EPB41L3: variants seen among roughly 807,000 people sequenced by gnomAD.
EPB41L3 encodes the protein erythrocyte membrane protein band 4.1 like 3, also known as band 4.1-like protein 3.
EPB41L3 carries 57 observed loss-of-function variants against 127.1 expected under a neutral mutation model. The ratio of observed to expected loss-of-function variants is 0.45; its 90% CI spans 0.36 to 0.56. EPB41L3 has a LOEUF of 0.56. EPB41L3 is among the 20% of genes least tolerant of loss of function. The probability of loss-of-function intolerance (pLI) is 0.00; values close to 1 mark genes in which losing one functional copy is unlikely to be tolerated. For missense variants in EPB41L3, 1,273 were observed against 1,372.2 expected (o/e 0.93, Z 1.14); for synonymous variants, 572 against 549.5 (o/e 1.04, Z -0.57).
chr18:5,625,441 C>T (rs377745164), intron 1 of EPB41L3, among the ~76,000 whole-genome samples: 2 of 152,054 alleles, frequency 1.3e-5, no homozygotes, highest in African/African-American at 2.4e-5. Context: ...AAAATGAAGA[C>T]CAGGTCTCCC....
intron 13 of EPB41L3, among the ~76,000 whole-genome samples, chr18:5,413,894 A>G (rs1390269150): frequency 6.6e-6 from 1 of 152,248 alleles, no homozygotes; most frequent in Admixed American, 6.5e-5. Context: ...TGTAACAATT[A>G]ACTGCTGTGA....
intron 3 of EPB41L3, among the ~76,000 whole-genome samples, chr18:5,556,981 G>A (rs1486109127): frequency 6.8e-6 from 1 of 146,512 alleles, no homozygotes; most frequent in Non-Finnish European, 1.6e-5. Context: ...CAGCTGGGGG[G>A]CCCCGGGGGT....
chr18:5,481,715 G>A (rs2088569266), intron 2 of EPB41L3, among the ~76,000 whole-genome samples: 1 of 152,164 alleles, frequency 6.6e-6, no homozygotes, highest in African/African-American at 2.4e-5. Context: ...GCACCACACT[G>A]GAGAAGGCAC....
At position 5,477,025 on chromosome 18, in the gene EPB41L3, A is replaced by G. The variant is rs145894079; in HGVS notation, c.381+1216T>C. Among the ~76,000 whole-genome samples the G allele has an allele frequency of 1.6e-3, 240 of 152,360 alleles. 1 individual carries two copies. The highest frequency in any genetic ancestry group is 5.5e-3 in the African/African-American group (230 of 41,586). On this transcript the variant is annotated intron_variant, in intron 3 of 22. Transcript: ENST00000341928. ...AAGACTTTATTTTCAAAAACCATATAGACTTTTTTCTATGTTCCTGCAATC... is the reference window on the plus strand; with the variant it reads ...AAGACTTTATTTTCAAAAACCATATGGACTTTTTTCTATGTTCCTGCAATC...
intron 19 of EPB41L3, 138 bp from the exon 20 acceptor site, chr18:5,395,845 T>C (rs2073342091): frequency 4.2e-6 from 3 of 706,062 alleles, no homozygotes; most frequent in Admixed American, 5.1e-5. Flanking sequence ...GTCTGAGCGC[T>C]GCTCCCAAGA....
chr18:5,557,451 T>C (rs1194285776), intron 3 of EPB41L3, among the ~76,000 whole-genome samples: 1 of 152,152 alleles, frequency 6.6e-6, no homozygotes, highest in Non-Finnish European at 1.5e-5. Context: ...TGGCACAATC[T>C]CGGCCCACCC....
At chr18:5,512,214 C>T in intron 1 of EPB41L3, among the ~76,000 whole-genome samples, 1 of 152,160 alleles carries the variant, frequency 6.6e-6, no homozygotes, top group East Asian at 1.9e-4. Context: ...AGAGAAAACA[C>T]ACCCAAGTAA....
At chr18:5,557,293 CAT>C (rs1568569232) in intron 3 of EPB41L3, among the ~76,000 whole-genome samples, 2 of 152,218 alleles carry the variant, frequency 1.3e-5, no homozygotes, top group East Asian at 1.9e-4. Flanking sequence ...TAGATATCGA[CAT>C]GTGGGCTTTT....
At chr18:5,395,751 C>G (rs200212387) in intron 19 of EPB41L3, 44 bp from the exon 20 acceptor site, 1 of 1,495,196 alleles carries the variant, frequency 6.7e-7, no homozygotes, top group Admixed American at 1.7e-5. Flanking sequence ...GTGCTCACAT[C>G]TGCTCTTCAG....
At chr18:5,447,381 T>C (rs959465369) in intron 3 of EPB41L3, among the ~76,000 whole-genome samples, 5 of 151,304 alleles carry the variant, frequency 3.3e-5, no homozygotes, top group African/African-American at 1.2e-4. Context: ...AGCAGCTTTA[T>C]AATTAACATG....
intron 3 of EPB41L3, among the ~76,000 whole-genome samples, chr18:5,460,929 C>T (rs1423320019): frequency 6.6e-6 from 1 of 152,082 alleles, no homozygotes; most frequent in East Asian, 1.9e-4. Context: ...AGCCTAAGTC[C>T]TTGCTAGAAC....
At chr18:5,582,526 C>T (rs1361057830) in intron 3 of EPB41L3, among the ~76,000 whole-genome samples, 3 of 152,276 alleles carry the variant, frequency 2.0e-5, no homozygotes, top group Admixed American at 6.5e-5. Context: ...AAATGCTAAA[C>T]AGTATATGTT....
chr18:5,406,474 G>T (rs972312448), intron 16 of EPB41L3, among the ~76,000 whole-genome samples: 1 of 152,234 alleles, frequency 6.6e-6, no homozygotes, highest in African/African-American at 2.4e-5. Context: ...TGCATGAAGA[G>T]AATACCCTGA....
In EPB41L3 at chr18:5,478,448, G is replaced by C; in HGVS notation, c.184-10C>G. 1 of 1,613,446 alleles carries C rather than the reference G, an allele frequency of 6.2e-7. No individual in the cohort carries two copies. Among genetic ancestry groups the C allele is most frequent in the Non-Finnish European group, 8.5e-7 (1 of 1,179,574 alleles). ...GTTCCTTGTCAGTGACCTGTGAAGA[G>C]CAAACAATCAACAGTTTTCATTGCA... On this transcript the variant is annotated splice_polypyrimidine_tract_variant and intron_variant, in intron 2 of 22. Transcript: ENST00000341928.
At chr18:5,464,813 A>G (rs1335555900) in intron 3 of EPB41L3, among the ~76,000 whole-genome samples, 2 of 152,214 alleles carry the variant, frequency 1.3e-5, no homozygotes, top group Non-Finnish European at 2.9e-5. Flanking sequence ...TAGCAGAACT[A>G]GAAAGAATGT....
At chr18:5,531,277 A>G (rs80005307) in intron 1 of EPB41L3, among the ~76,000 whole-genome samples, 1 of 152,306 alleles carries the variant, frequency 6.6e-6, no homozygotes, top group East Asian at 1.9e-4. Context: ...ATACTTCAAA[A>G]GAGGAGGAGT....
At chr18:5,549,679 GA>G (rs2093936573) in intron 3 of EPB41L3, among the ~76,000 whole-genome samples, 1 of 152,150 alleles carries the variant, frequency 6.6e-6, no homozygotes, top group South Asian at 2.1e-4. Context: ...AACTGAGTCG[GA>G]AGCTCTGGGG....
chr18:5,475,957 TTC>T (rs2087112116), intron 3 of EPB41L3, among the ~76,000 whole-genome samples: 1 of 152,160 alleles, frequency 6.6e-6, no homozygotes, highest in Non-Finnish European at 1.5e-5. Flanking sequence ...ATGCTTCCCC[TTC>T]TCTGTTTACC....
intron 8 of EPB41L3, among the ~76,000 whole-genome samples, chr18:5,429,085 G>A (rs1363946687): frequency 2.0e-5 from 3 of 152,012 alleles, no homozygotes; most frequent in Non-Finnish European, 2.9e-5. Context: ...AAGTATGAAT[G>A]AATAAAAAAA....
Sources: gnomAD v4.1 joint callset for allele counts (sites outside exome capture counted in the v4.1 genomes callset) on GRCh38, gnomAD v4.1.1 for gene constraint, MANE v1.5 for transcripts, NCBI Gene and HGNC (gene_info 2026-07-23, HGNC 2026-07-21) for gene names.